The following ENOX1 variants were observed in gnomAD, a reference collection of about 807,000 sequenced individuals.
The protein encoded by ENOX1 is candidate growth-related and time keeping constitutive hydroquinone (NADH) oxidase.
Under a neutral mutation model 82.5 loss-of-function variants are expected in ENOX1, and 42 were observed. The ratio of observed to expected loss-of-function variants is 0.51; its 90% CI spans 0.40 to 0.66. The LOEUF is 0.66. ENOX1 is among the 30% of genes least tolerant of loss of function. The probability of loss-of-function intolerance (pLI) is 0.00; values close to 1 mark genes in which losing one functional copy is unlikely to be tolerated. For missense variants in ENOX1, 608 were observed against 811.6 expected (o/e 0.75, Z 3.05); for synonymous variants, 271 against 282.2 (o/e 0.96, Z 0.40).
intron 8 of ENOX1, among the ~76,000 whole-genome samples, chr13:43,351,583 C>G (rs1453181613): frequency 3.3e-5 from 4 of 120,688 alleles, no homozygotes; most frequent in African/African-American, 1.2e-4. Context: ...CCCCTCCCCC[C>G]ACCCCACCAC....
At position 43,410,625 on chromosome 13, in the gene ENOX1, T is replaced by TACACACAC. The variant is rs60371956; in HGVS notation, c.208+1283_208+1290dup. 1.3e-3 allele frequency among the ~76,000 whole-genome samples: 191 copies of TACACACAC among 146,924 alleles called. 1 individual carries two copies. Among genetic ancestry groups the TACACACAC allele is most frequent in the South Asian group, 6.1e-3 (28 of 4,584 alleles). On this transcript the variant is annotated intron_variant, in intron 5 of 16. Coordinates refer to ENST00000690772, the MANE Select transcript of ENOX1 (RefSeq NM_001347969.2). ...ATACACATATACACATACACACATG[T>TACACACAC]ACACACACACACACACACACACACA...
intron 2 of ENOX1, among the ~76,000 whole-genome samples, chr13:43,510,233 A>G (rs2077317013): frequency 1.3e-5 from 2 of 152,098 alleles, no homozygotes; most frequent in South Asian, 4.1e-4. Flanking sequence ...AATTGGTAAC[A>G]GACAAGGTTT....
chr13:43,523,803 A>G (rs2077875558), intron 2 of ENOX1, among the ~76,000 whole-genome samples: 1 of 152,120 alleles, frequency 6.6e-6, no homozygotes. Context: ...TCTAACCATT[A>G]ACTAATGCTA....
intron 2 of ENOX1, among the ~76,000 whole-genome samples, chr13:43,662,882 T>C (rs2084802229): frequency 6.6e-6 from 1 of 152,176 alleles, no homozygotes; most frequent in Non-Finnish European, 1.5e-5. Context: ...AAAATTGCAA[T>C]ATGCAGCATC....
chr13:43,649,872 C>T (rs1040207418), intron 2 of ENOX1, among the ~76,000 whole-genome samples: 12 of 152,222 alleles, frequency 7.9e-5, no homozygotes, highest in African/African-American at 2.9e-4. Flanking sequence ...CATGGACTAA[C>T]AAGTCTGAGC....
chr13:43,401,259 A>C (rs2053479996), intron 5 of ENOX1, among the ~76,000 whole-genome samples: 1 of 152,210 alleles, frequency 6.6e-6, no homozygotes, highest in Admixed American at 6.5e-5. Context: ...CAGCCACCAG[A>C]AAGTAACAAG....
chr13:43,407,808 G>C (rs1194194977), intron 5 of ENOX1, among the ~76,000 whole-genome samples: 2 of 83,770 alleles, frequency 2.4e-5, no homozygotes, highest in South Asian at 6.9e-4. Flanking sequence ...CCAACAGATT[G>C]GTTTAAAAAA....
chr13:43,450,706 A>G (rs2056919881), intron 3 of ENOX1, among the ~76,000 whole-genome samples: 1 of 152,070 alleles, frequency 6.6e-6, no homozygotes, highest in African/African-American at 2.4e-5. Context: ...AGTGTTCTGG[A>G]TTGCAGGAGC....
At chr13:43,227,460 T>C (rs2042077980) in intron 15 of ENOX1, among the ~76,000 whole-genome samples, 1 of 152,218 alleles carries the variant, frequency 6.6e-6, no homozygotes, top group Admixed American at 6.5e-5. Context: ...CTATTATTGA[T>C]AAATGGGAAT....
intron 11 of ENOX1, among the ~76,000 whole-genome samples, chr13:43,305,274 A>C (rs1157242738): frequency 6.6e-6 from 1 of 152,174 alleles, no homozygotes; most frequent in Non-Finnish European, 1.5e-5. Flanking sequence ...CCACTGATCA[A>C]TCTTCCTCAA....
chr13:43,422,811 C>T lies in ENOX1; in HGVS notation c.-74-9823G>A, dbSNP rs552147504. Among the ~76,000 whole-genome samples, 15 of 152,130 alleles carry T rather than the reference C, an allele frequency of 9.9e-5. 1 individual carries two copies. The highest frequency in any genetic ancestry group is 3.9e-4 in the East Asian group (2 of 5,178). ...TACAAATATAAGTGTAGAGACATGA[C>T]AAGTAAAATTATTTTTCTCAGGAAA... On this transcript the variant is annotated intron_variant, in intron 3 of 16. Coordinates refer to ENST00000690772, the MANE Select transcript of ENOX1 (RefSeq NM_001347969.2).
Position 43,213,883 on chromosome 13 carries a change from C to T in ENOX1, c.*107G>A. 1 of 1,301,582 alleles carries T rather than the reference C, an allele frequency of 7.7e-7. No homozygotes were observed. The allele number at this position is 1,301,582 out of a possible 1,614,324, so 80.6% of individuals were successfully genotyped here. The stretch of plus-strand genomic sequence containing the variant: ...TAACTAAAGGCAGGCTTCGATGGCT[C>T]CACAAAGGTTGCGTGCTGGACCAAC... On this transcript the variant is annotated 3_prime_UTR_variant, in exon 17 of 17. Coordinates refer to ENST00000690772, the MANE Select transcript of ENOX1 (RefSeq NM_001347969.2).
chr13:43,548,060 G>A (rs1028563685), intron 2 of ENOX1: 26 of 152,084 alleles, frequency 1.7e-4, no homozygotes, highest in African/African-American at 6.3e-4. Flanking sequence ...CTAGAATTTG[G>A]CCAAAGGCTC....
At chr13:43,780,894 G>C (rs1952218066) in intron 1 of ENOX1, among the ~76,000 whole-genome samples, 1 of 152,184 alleles carries the variant, frequency 6.6e-6, no homozygotes, top group African/African-American at 2.4e-5. Flanking sequence ...CACTGTTAGA[G>C]ATGTTAACAC....
chr13:43,708,419 G>A (rs921793964), intron 1 of ENOX1, among the ~76,000 whole-genome samples: 39 of 152,082 alleles, frequency 2.6e-4, no homozygotes, highest in African/African-American at 8.5e-4. Context: ...CACCTGCTTG[G>A]CCCTCTTCCA....
At chr13:43,453,580 T>TA (rs1170233571) in intron 3 of ENOX1, among the ~76,000 whole-genome samples, 1 of 152,112 alleles carries the variant, frequency 6.6e-6, no homozygotes, top group Non-Finnish European at 1.5e-5. Flanking sequence ...ACCAGTGTAA[T>TA]ATGGTTCCTG....
In ENOX1 at chr13:43,466,731, T is replaced by A. The variant is rs1387735576; in HGVS notation, c.-75+17278A>T. ...ATTCACAAAGTTGTGTGACCATTCT[T>A]CTTATCTAATTCCGGAAACTTTCAT... is the stretch of plus-strand genomic sequence containing the variant. On this transcript the variant is annotated intron_variant, in intron 3 of 16. Coordinates refer to ENST00000690772, the MANE Select transcript of ENOX1 (RefSeq NM_001347969.2). Among the ~76,000 whole-genome samples the A allele has an allele frequency of 3.9e-5, 6 of 152,272 alleles. No individual in the cohort carries two copies. The East Asian group carries it at 1.2e-3, about 29-fold the overall frequency.
At chr13:43,756,468 GAGGGGAGGGGAGGGGA>G (rs752763538) in intron 1 of ENOX1, among the ~76,000 whole-genome samples, 42 of 137,534 alleles carry the variant, frequency 3.1e-4, no homozygotes, top group African/African-American at 1.1e-3. Flanking sequence ...GTGAGGAGGG[GAGGGGAGGGGAGGGGA>G]AGGGGAGGGG....
rs142176604 is a variant in ENOX1 at position 43,727,584 on chromosome 13, C to T, written c.-285+59068G>A. ...GTCCATGTATGGTTGCTGTTGGGGC[C>T]GCGGGTAGACAGAAAGGGCCAGGCA... On this transcript the variant is annotated intron_variant, in intron 1 of 16. Coordinates refer to ENST00000690772, the MANE Select transcript of ENOX1 (RefSeq NM_001347969.2). Among the ~76,000 whole-genome samples the T allele has an allele frequency of 3.3e-3, 495 of 152,110 alleles. 3 individuals are homozygous for T. Among genetic ancestry groups the T allele is most frequent in the Middle Eastern group, 0.031 (9 of 294 alleles).
Sources: gnomAD v4.1 joint callset for allele counts (sites outside exome capture counted in the v4.1 genomes callset) on GRCh38, gnomAD v4.1.1 for gene constraint, MANE v1.5 for transcripts, NCBI Gene and HGNC (gene_info 2026-07-23, HGNC 2026-07-21) for gene names.